ATOH8: variants seen among roughly 807,000 people sequenced by gnomAD.
ATOH8 encodes transcription factor ATOH8.
Under a neutral mutation model 21.2 loss-of-function variants are expected in ATOH8, and 9 were observed. The ratio of observed to expected loss-of-function variants is 0.42; its 90% CI spans 0.26 to 0.74. The LOEUF (loss-of-function observed/expected upper bound fraction) is 0.74. Ranked by LOEUF, ATOH8 falls within the 30% of genes least tolerant of loss-of-function variation. The probability of loss-of-function intolerance (pLI) is 0.24; values close to 1 mark genes in which losing one functional copy is unlikely to be tolerated. For missense variants in ATOH8, 524 were observed against 470.9 expected, an observed-to-expected ratio of 1.11 and a Z score of -1.04; for synonymous variants, 253 against 224.0, an observed-to-expected ratio of 1.13 and a Z score of -1.16.
At chr2:85,772,656 T>G in intron 2 of ATOH8, 2 of 452,576 alleles carry the variant, frequency 4.4e-6, no homozygotes, top group Non-Finnish European at 8.9e-6. Context: ...CGCGAGCAGC[T>G]GGTTTGGAGG....
chr2:85,779,218 G>A (rs1441883127), intron 2 of ATOH8, among the ~76,000 whole-genome samples: 1 of 152,280 alleles, frequency 6.6e-6, no homozygotes, highest in East Asian at 1.9e-4. Context: ...CAGGATGGAA[G>A]CAGATGGGAA....
intron 1 of ATOH8, among the ~76,000 whole-genome samples, 191 bp downstream of exon 1, chr2:85,755,148 G>A: frequency 6.6e-6 from 1 of 152,316 alleles, no homozygotes; most frequent in East Asian, 1.9e-4. Flanking sequence ...ATAAGAGTTG[G>A]TTATCTCTGG....
At chr2:85,783,705 C>G (rs577739666) in intron 2 of ATOH8, 1 of 152,176 alleles carries the variant, frequency 6.6e-6, no homozygotes, top group Admixed American at 6.5e-5. Flanking sequence ...GCCAGTGCTG[C>G]GGGGAATGTA....
At chr2:85,776,442 C>T (rs1043132417) in intron 2 of ATOH8, among the ~76,000 whole-genome samples, 4 of 152,252 alleles carry the variant, frequency 2.6e-5, no homozygotes. Flanking sequence ...ATTTTGTCAA[C>T]TGGAGGCACA....
rs1433498932 is a variant in ATOH8 at position 85,788,495 on chromosome 2, C to T, written c.*1605C>T. 2.6e-5 allele frequency among the ~76,000 whole-genome samples: 4 copies of T among 152,292 alleles called. No individual in the cohort carries two copies. Among genetic ancestry groups the T allele is most frequent in the East Asian group, 3.9e-4 (2 of 5,174 alleles). ...CCTTTTCCAGCCCCATCACCAGTCC[C>T]AGCCCAAAGTCTCTTGTGTGGCCTT... On this transcript the variant is annotated 3_prime_UTR_variant, in exon 3 of 3. Transcript: ENST00000306279.
At chr2:85,774,253 T>C in intron 2 of ATOH8, 3 of 985,552 alleles carry the variant, frequency 3.0e-6, no homozygotes, top group Non-Finnish European at 3.6e-6. Context: ...GACCAGAAAT[T>C]GCTTTTGAAC....
In ATOH8 at chr2:85,754,018, G is replaced by A. The variant is rs554885963; in HGVS notation, c.-172G>A. On this transcript the variant is annotated 5_prime_UTR_variant, in exon 1 of 3. Coordinates refer to ENST00000306279, the MANE Select transcript of ATOH8 (RefSeq NM_032827.7). ...ATGACACTCTGAGCGCTCCGGGAACGGACAGCCCGGCGGCTTCCCGAAGCC... is the reference window on the plus strand; with the variant it reads ...ATGACACTCTGAGCGCTCCGGGAACAGACAGCCCGGCGGCTTCCCGAAGCC... The A allele has an allele frequency of 4.2e-5, 29 of 692,330 alleles. No individual in the cohort carries two copies. In the African/African-American group the frequency reaches 5.4e-4, roughly 13 times the overall value. The allele number at this position is 692,330 out of a possible 1,614,324, so 42.9% of individuals were successfully genotyped here. A position where few individuals can be genotyped will look rare whatever the true frequency, so the allele number is the denominator to read the frequency against.
At position 85,766,068 on chromosome 2, in the gene ATOH8, A is replaced by T. The variant is rs548512085; in HGVS notation, c.960+1886A>T. On this transcript the variant is annotated intron_variant, in intron 2 of 2. Coordinates refer to ENST00000306279, the MANE Select transcript of ATOH8 (RefSeq NM_032827.7). The surrounding 1 kb of genome is among the most constrained non-coding windows in gnomAD (Gnocchi z 4.0). ...CCCATTGCTTAGCCTCCTCCGCCTC[A>T]GTTTTCTTGTTGATAAGTGGGGACG... 3.3e-5 allele frequency among the ~76,000 whole-genome samples: 5 copies of T among 152,138 alleles called. No individual in the cohort carries two copies. The East Asian group carries it at 9.7e-4, about 29-fold the overall frequency.
At position 85,790,810 on chromosome 2, in the gene ATOH8, G is replaced by A. The variant is rs549152341; in HGVS notation, c.*3920G>A. ...ATTAGGATAAGACAGGGGCCGCGCTGTGGTCAGCCGTGGGAAGCCGGCGAG... is the reference window on the plus strand; with the variant it reads ...ATTAGGATAAGACAGGGGCCGCGCTATGGTCAGCCGTGGGAAGCCGGCGAG... On this transcript the variant is annotated 3_prime_UTR_variant, in exon 3 of 3. Transcript: ENST00000306279. Among the ~76,000 whole-genome samples, 62 of 152,352 alleles carry A rather than the reference G, an allele frequency of 4.1e-4. 1 individual carries two copies. Among genetic ancestry groups the A allele is most frequent in the South Asian group, 1.0e-3 (5 of 4,828 alleles).
rs1018332821 is a variant in ATOH8 at position 85,754,029 on chromosome 2, C to A, written c.-161C>A. On this transcript the variant is annotated 5_prime_UTR_variant, in exon 1 of 3. Coordinates refer to ENST00000306279, the MANE Select transcript of ATOH8 (RefSeq NM_032827.7). ...AGCGCTCCGGGAACGGACAGCCCGG[C>A]GGCTTCCCGAAGCCGGCGGCGCAGC... The A allele has an allele frequency of 2.0e-5, 16 of 781,858 alleles. No homozygotes were observed. The highest frequency in any genetic ancestry group is 2.9e-5 in the Non-Finnish European group (16 of 543,828). 48.4% of individuals were successfully genotyped at this position (781,858 alleles called of 1,614,324 possible). A position where few individuals can be genotyped will look rare whatever the true frequency, so the allele number is the denominator to read the frequency against.
At chr2:85,770,276 CAG>C (rs1165497578) in intron 2 of ATOH8, among the ~76,000 whole-genome samples, 2 of 152,208 alleles carry the variant, frequency 1.3e-5, no homozygotes, top group Non-Finnish European at 2.9e-5. Flanking sequence ...TAACCACTAA[CAG>C]AGGTGTGTGC....
At chr2:85,770,717 G>A (rs986724338) in intron 2 of ATOH8, among the ~76,000 whole-genome samples, 2 of 152,140 alleles carry the variant, frequency 1.3e-5, no homozygotes, top group African/African-American at 4.8e-5. Context: ...GAGGTTCCCC[G>A]GGTGGTCTCG....
chr2:85,774,851 C>A, intron 2 of ATOH8: 1 of 932,032 alleles, frequency 1.1e-6, no homozygotes, highest in Non-Finnish European at 1.3e-6. Context: ...TCATGCCATC[C>A]CTTCTGCCTG....
At chr2:85,767,582 C>CCT in intron 2 of ATOH8, among the ~76,000 whole-genome samples, 2 of 136,076 alleles carry the variant, frequency 1.5e-5, no homozygotes, top group African/African-American at 5.6e-5. Context: ...CTCCCCTCTC[C>CCT]TTCCCTTCCC....
At chr2:85,770,322 C>G (rs1438326509) in intron 2 of ATOH8, among the ~76,000 whole-genome samples, 4 of 152,172 alleles carry the variant, frequency 2.6e-5, no homozygotes, top group African/African-American at 9.7e-5. Context: ...TCCTGCTTCT[C>G]ACATGGGAGT....
chr2:85,764,239 G>A, intron 2 of ATOH8, 57 bp downstream of exon 2: 1 of 1,594,550 alleles, frequency 6.3e-7, no homozygotes, highest in Non-Finnish European at 8.6e-7. Flanking sequence ...GGCAGGGACA[G>A]GAACTTGGGG....
rs1456072528 is a variant in ATOH8 at position 85,754,303 on chromosome 2, C to A, written c.114C>A (p.Asn38Lys). The A allele has an allele frequency of 1.2e-6, 2 of 1,609,882 alleles. No individual in the cohort carries two copies. Among genetic ancestry groups the A allele is most frequent in the East Asian group, 2.2e-5 (1 of 44,614 alleles). ...GCAAGGAGCCGGCGCGGCGCGCGAACGGCTATAAAACTTTCCGACTGGACT... is the reference window on the plus strand; with the variant it reads ...GCAAGGAGCCGGCGCGGCGCGCGAAAGGCTATAAAACTTTCCGACTGGACT... ...RKGKEPARRA[N>K]GYKTFRLDLE... is the part of the protein sequence containing the mutation. Residue 38 changes from asparagine to lysine, a missense_variant, in exon 1 of 3, where the codon AAC (asparagine) becomes AAA (lysine). Transcript: ENST00000306279.
chr2:85,785,456 T>C lies in ATOH8; in HGVS notation c.961-1429T>C, dbSNP rs1003288904. ...CCTTTTCTCCCTCCTGAGCCACTAT[T>C]AGCTGGAGAGCACTCCCTCCCTCTG... is the stretch of plus-strand genomic sequence containing the variant. On this transcript the variant is annotated intron_variant, in intron 2 of 2. Transcript: ENST00000306279. This position sits in a 1 kb window ranked among gnomAD's most constrained non-coding sequence, Gnocchi z 4.1. Among the ~76,000 whole-genome samples, 9 of 152,206 alleles carry C rather than the reference T, an allele frequency of 5.9e-5. No individual in the cohort carries two copies. Among genetic ancestry groups the C allele is most frequent in the Non-Finnish European group, 1.3e-4 (9 of 68,034 alleles).
chr2:85,778,598 G>A (rs949079083), intron 2 of ATOH8, among the ~76,000 whole-genome samples: 3 of 152,240 alleles, frequency 2.0e-5, no homozygotes, highest in African/African-American at 7.2e-5. Flanking sequence ...CGTCCTGGGA[G>A]TCTCCTGGAG....
Sources: allele counts gnomAD v4.1 joint callset (sites outside exome capture counted in the v4.1 genomes callset), GRCh38; gene constraint gnomAD v4.1.1; non-coding constraint Gnocchi (gnomAD v3.1); transcripts MANE v1.5; gene names NCBI Gene and HGNC (gene_info 2026-07-23, HGNC 2026-07-21).